Variants in SHROOM4 observed in about 807,000 individuals in gnomAD.
SHROOM4 encodes the protein protein Shroom4.
SHROOM4 carries 17 observed loss-of-function variants against 80.3 expected under a neutral mutation model. The observed-to-expected ratio is 0.21, with a 90% CI of 0.14 to 0.32. The LOEUF (loss-of-function observed/expected upper bound fraction) is 0.32, where lower values mean the gene tolerates loss of function less well. SHROOM4 is among the 10% of genes least tolerant of loss of function. The probability of loss-of-function intolerance (pLI) is 1.00; values close to 1 mark genes in which losing one functional copy is unlikely to be tolerated. For synonymous variants in SHROOM4, 400 were observed against 437.5 expected (o/e 0.91, Z 1.07); for missense variants, 993 against 1,140.3 (o/e 0.87, Z 1.86).
chrX:50,647,772 C>T (rs1931894851), intron 2 of SHROOM4, among the ~76,000 whole-genome samples: 1 of 111,632 alleles, frequency 9.0e-6, no homozygotes, highest in African/African-American at 3.3e-5. Context: ...GTCATCTCTA[C>T]TACTAAAGAC....
chrX:50,774,866 T>G (rs782622891), intron 1 of SHROOM4, among the ~76,000 whole-genome samples: 117 of 111,757 alleles, frequency 1.0e-3, no homozygotes, highest in African/African-American at 3.7e-3. Flanking sequence ...AAACTATTTA[T>G]GAGCACTGGA....
At chrX:50,614,915 G>C (rs1206221980) in intron 5 of SHROOM4, among the ~76,000 whole-genome samples, 1 of 112,145 alleles carries the variant, frequency 8.9e-6, no homozygotes, top group African/African-American at 3.2e-5. Context: ...GTGTAACATA[G>C]AATAATCACT....
chrX:50,618,543 A>G (rs1255598930), intron 5 of SHROOM4, among the ~76,000 whole-genome samples: 3 of 109,150 alleles, frequency 2.7e-5, no homozygotes, highest in African/African-American at 1.0e-4. Context: ...GTGTGCCACC[A>G]TGCCTAGCTA....
At chrX:50,636,622 C>T (rs1446119512) in intron 3 of SHROOM4, among the ~76,000 whole-genome samples, 42 of 111,343 alleles carry the variant, frequency 3.8e-4, no homozygotes, top group African/African-American at 1.3e-3. Context: ...AGCAGAGTAC[C>T]CAACAGGTAG....
In SHROOM4 at chrX:50,795,167, G is replaced by GAT. The variant is rs782186253; in HGVS notation, c.117+18733_117+18734dup. Among the ~76,000 whole-genome samples, 20 of 43,110 alleles carry GAT rather than the reference G, an allele frequency of 4.6e-4. 1 individual carries two copies. The highest frequency in any genetic ancestry group is 2.0e-3 in the African/African-American group (19 of 9,553). 37.4% of individuals were successfully genotyped at this position (43,110 alleles called of 115,157 possible). ...ATATGATATATATATATATATATAT[G>GAT]ATATATATATATATAAAACCATGGA... On this transcript the variant is annotated intron_variant, in intron 1 of 8. Coordinates refer to ENST00000376020, the MANE Select transcript of SHROOM4 (RefSeq NM_020717.5).
Position 50,814,058 on chromosome X carries a change from G to C in SHROOM4, c.-40C>G. Reference sequence around the variant, plus strand: ...AGGCGCCGCCGGGCTCCTTTTCCGAGGGGGCTACGTTGCCTCCGCCCCCAG... The same window carrying C: ...AGGCGCCGCCGGGCTCCTTTTCCGACGGGGCTACGTTGCCTCCGCCCCCAG... On this transcript the variant is annotated 5_prime_UTR_variant, in exon 1 of 9. Coordinates refer to ENST00000376020, the MANE Select transcript of SHROOM4 (RefSeq NM_020717.5). 9.8e-7 allele frequency: 1 copy of C among 1,023,409 alleles called. No individual in the cohort carries two copies. Among genetic ancestry groups the C allele is most frequent in the Non-Finnish European group, 1.4e-6 (1 of 729,079 alleles). 84.3% of individuals were successfully genotyped at this position (1,023,409 alleles called of 1,213,427 possible).
At position 50,595,312 on chromosome X, in the gene SHROOM4, G is replaced by T. The variant is rs1398391568; in HGVS notation, c.*1383C>A. On this transcript the variant is annotated 3_prime_UTR_variant, in exon 9 of 9. Coordinates refer to ENST00000376020, the MANE Select transcript of SHROOM4 (RefSeq NM_020717.5). ...TAGTTGTTTGTATGCCTAAGATCCT[G>T]GCTGGGTCTTCAATTGCTCTGGGGA... is the stretch of plus-strand genomic sequence containing the variant. The T allele has an allele frequency of 8.7e-5, 10 of 114,753 alleles. No individual in the cohort carries two copies. Among genetic ancestry groups the T allele is most frequent in the African/African-American group, 3.2e-4 (10 of 30,838 alleles). 9.5% of individuals were successfully genotyped at this position (114,753 alleles called of 1,213,427 possible). A position where few individuals can be genotyped will look rare whatever the true frequency, so the allele number is the denominator to read the frequency against.
intron 1 of SHROOM4, among the ~76,000 whole-genome samples, chrX:50,767,148 G>A (rs1037855883): frequency 8.9e-6 from 1 of 111,860 alleles, no homozygotes; most frequent in East Asian, 2.8e-4. Flanking sequence ...TTTTGGCCTC[G>A]TTATTACACA....
chrX:50,669,362 T>C (rs1557260600), intron 2 of SHROOM4, among the ~76,000 whole-genome samples: 1 of 111,814 alleles, frequency 8.9e-6, no homozygotes, highest in Admixed American at 9.5e-5. Flanking sequence ...TGGAGTGCAG[T>C]GGCGTGATCA....
chrX:50,586,184 A>G (rs966864510), downstream of SHROOM4, among the ~76,000 whole-genome samples: 12 of 112,072 alleles, frequency 1.1e-4, no homozygotes, highest in African/African-American at 3.9e-4. Context: ...CATTTATTGT[A>G]TCTGCTGAGT....
chrX:50,747,541 G>A (rs150461301), intron 1 of SHROOM4, among the ~76,000 whole-genome samples: 1,205 of 111,892 alleles, frequency 0.011, 10 homozygotes, highest in Non-Finnish European at 0.017. Context: ...AGCTATCCAT[G>A]GAATGTAGAA....
intron 5 of SHROOM4, among the ~76,000 whole-genome samples, chrX:50,626,026 C>T (rs1349709847): frequency 8.9e-6 from 1 of 111,929 alleles, no homozygotes; most frequent in Admixed American, 9.4e-5. Flanking sequence ...TAACAACAAA[C>T]ATTTGAGATA....
At chrX:50,694,831 G>A (rs1464458719) in intron 2 of SHROOM4, among the ~76,000 whole-genome samples, 1 of 107,802 alleles carries the variant, frequency 9.3e-6, no homozygotes, top group African/African-American at 3.4e-5. Flanking sequence ...CTTCCTTTGA[G>A]ACTGAGTATG....
chrX:50,747,443 C>T (rs1227863177), intron 1 of SHROOM4, among the ~76,000 whole-genome samples: 1 of 112,010 alleles, frequency 8.9e-6, no homozygotes, highest in Admixed American at 9.5e-5. Flanking sequence ...GTTTACATGA[C>T]AGCGAACCAC....
intron 2 of SHROOM4, chrX:50,687,310 T>C (rs1447939511): frequency 9.4e-6 from 1 of 106,741 alleles, no homozygotes; most frequent in Non-Finnish European, 1.9e-5. Context: ...AACACATAGA[T>C]AGATCAGCAT....
chrX:50,635,286 G>T lies in SHROOM4; in HGVS notation c.787C>A (p.Gln263Lys). 1 of 1,201,592 alleles carries T rather than the reference G, an allele frequency of 8.3e-7. No individual in the cohort carries two copies. ...QMSSRPQEGY[Q>K]SGPAKAVRGP... is the part of the protein sequence containing the mutation. Reference sequence around the variant, plus strand: ...CTGACTGCTTTGGCGGGCCCTGACTGGTATCCCTCCTGTGGACGGGATGAC... The same window carrying T: ...CTGACTGCTTTGGCGGGCCCTGACTTGTATCCCTCCTGTGGACGGGATGAC... The change falls in exon 4 of 9, where the codon CAG becomes AAG. Residue 263 changes from glutamine to lysine, a missense_variant. Transcript: ENST00000376020.
chrX:50,764,207 C>T (rs1300447880), intron 1 of SHROOM4, among the ~76,000 whole-genome samples: 1 of 111,054 alleles, frequency 9.0e-6, no homozygotes, highest in African/African-American at 3.3e-5. Flanking sequence ...TAAGTGATAT[C>T]ACCCTATAAG....
chrX:50,665,559 G>C (rs1269832916), intron 2 of SHROOM4, among the ~76,000 whole-genome samples: 1 of 109,888 alleles, frequency 9.1e-6, no homozygotes, highest in African/African-American at 3.3e-5. Context: ...ACATCAGTAG[G>C]AACCAATTGA....
chrX:50,637,122 G>T (rs1034976451), intron 3 of SHROOM4, among the ~76,000 whole-genome samples: 1 of 111,702 alleles, frequency 9.0e-6, no homozygotes, highest in Non-Finnish European at 1.9e-5. Flanking sequence ...AGGATCAGAT[G>T]CAATCTTCAA....
Sources: allele counts gnomAD v4.1 joint callset (sites outside exome capture counted in the v4.1 genomes callset), GRCh38; gene constraint gnomAD v4.1.1; transcripts MANE v1.5; gene names NCBI Gene and HGNC (gene_info 2026-07-23, HGNC 2026-07-21).